The following IKZF3 variants were observed in gnomAD, a reference collection of about 807,000 sequenced individuals.
The protein encoded by IKZF3 is IKAROS family zinc finger 3.
In IKZF3, 10 loss-of-function variants were observed where a neutral mutation model predicts 49.0. The observed-to-expected ratio is 0.20, with a 90% CI of 0.13 to 0.35. The LOEUF (loss-of-function observed/expected upper bound fraction) is 0.35. Ranked by LOEUF, IKZF3 falls within the 10% of genes least tolerant of loss-of-function variation. IKZF3 has a pLI of 1.00. For synonymous variants in IKZF3, 209 were observed against 228.2 expected, an observed-to-expected ratio of 0.92 and a Z score of 0.76; for missense variants, 498 against 664.8, an observed-to-expected ratio of 0.75 and a Z score of 2.76.
Position 39,759,972 on chromosome 17 carries a change from CTT to C in IKZF3, c.*5816_*5817del, listed in dbSNP as rs1451257785. On this transcript the variant is annotated 3_prime_UTR_variant, in exon 8 of 8. Transcript: ENST00000346872. ...GAGCTCACAAGTCCCGATGCTGACT[CTT>C]TGAGTCCTCAGATAGCCAGGCTCTT... 3.3e-5 allele frequency: 5 copies of C among 152,242 alleles called. No homozygotes were observed. The East Asian group carries it at 9.7e-4, about 29-fold the overall frequency. The allele number at this position is 152,242 out of a possible 1,614,324, so 9.4% of individuals were successfully genotyped here.
intron 3 of IKZF3, among the ~76,000 whole-genome samples, chr17:39,793,882 CAAAG>C (rs2061095295): frequency 6.6e-6 from 1 of 152,144 alleles, no homozygotes; most frequent in Admixed American, 6.5e-5. Context: ...ACATAAGAAA[CAAAG>C]AAGGCAAATT....
chr17:39,803,514 C>CT (rs72220610), intron 3 of IKZF3, among the ~76,000 whole-genome samples: 3,455 of 141,358 alleles, frequency 0.024, 111 homozygotes, highest in African/African-American at 0.07. Context: ...TTCACTCTAT[C>CT]TTTTTTTTTT....
At chr17:39,850,444 T>G (rs1025290634) in intron 1 of IKZF3, among the ~76,000 whole-genome samples, 34 of 129,522 alleles carry the variant, frequency 2.6e-4, no homozygotes, top group Non-Finnish European at 5.1e-4. Context: ...TAATATATAG[T>G]ATAAATATAT....
chr17:39,808,387 A>G (rs913664645), intron 3 of IKZF3, among the ~76,000 whole-genome samples: 2 of 152,214 alleles, frequency 1.3e-5, no homozygotes, highest in African/African-American at 4.8e-5. Flanking sequence ...GACATTTCCC[A>G]TACTTAGTTA....
intron 4 of IKZF3, among the ~76,000 whole-genome samples, chr17:39,792,174 A>G (rs1188646358): frequency 6.6e-6 from 1 of 152,178 alleles, no homozygotes; most frequent in East Asian, 1.9e-4. Context: ...CATATGAGAT[A>G]TGGGATGGAA....
chr17:39,796,999 C>T (rs2061182207), intron 3 of IKZF3, among the ~76,000 whole-genome samples: 1 of 151,232 alleles, frequency 6.6e-6, no homozygotes, highest in South Asian at 2.1e-4. Flanking sequence ...CCCATCTCTA[C>T]TAAAAATACA....
At position 39,864,130 on chromosome 17, in the gene IKZF3, G is replaced by A; in HGVS notation, c.-4C>T. 6.2e-7 allele frequency: 1 copy of A among 1,612,300 alleles called. No homozygotes were observed. On this transcript the variant is annotated 5_prime_UTR_variant, in exon 1 of 8. Coordinates refer to ENST00000346872, the MANE Select transcript of IKZF3 (RefSeq NM_012481.5). Reference sequence around the variant, plus strand: ...GGGCTGGAGGCTCACCTTCCATGTCGCTGCCGGGCCGGGCTGGAGCTGCCG... The same window carrying A: ...GGGCTGGAGGCTCACCTTCCATGTCACTGCCGGGCCGGGCTGGAGCTGCCG...
chr17:39,797,808 C>T (rs1471913506), intron 3 of IKZF3, among the ~76,000 whole-genome samples: 1 of 152,092 alleles, frequency 6.6e-6, no homozygotes, highest in Non-Finnish European at 1.5e-5. Context: ...CTTCCCTCTG[C>T]ATCCTAAATA....
At chr17:39,863,248 A>G (rs1000469806) in intron 1 of IKZF3, among the ~76,000 whole-genome samples, 1 of 152,192 alleles carries the variant, frequency 6.6e-6, no homozygotes, top group African/African-American at 2.4e-5. Flanking sequence ...AACTTTATAT[A>G]CTCTAGAAAT....
intron 7 of IKZF3, among the ~76,000 whole-genome samples, chr17:39,775,033 C>G (rs1254293486): frequency 1.3e-5 from 2 of 152,092 alleles, no homozygotes; most frequent in African/African-American, 4.8e-5. Context: ...ACTTCCTGGT[C>G]ACTTCATCAC....
In IKZF3 at chr17:39,796,304, G is replaced by T. The variant is rs546557160; in HGVS notation, c.164-3371C>A. 2.7e-4 allele frequency among the ~76,000 whole-genome samples: 41 copies of T among 152,148 alleles called. No homozygotes were observed. In the South Asian group the frequency reaches 7.3e-3, roughly 27 times the overall value. On this transcript the variant is annotated intron_variant, in intron 3 of 7. Transcript: ENST00000346872. ...ACTTGTCATCTTTGAACCCAAACTT[G>T]CTTCTAATTTATGACTTATTTATGT... is the stretch of plus-strand genomic sequence containing the variant.
chr17:39,782,004 C>T (rs939849401), intron 6 of IKZF3, among the ~76,000 whole-genome samples: 5 of 152,104 alleles, frequency 3.3e-5, no homozygotes, highest in Non-Finnish European at 5.9e-5. Flanking sequence ...TCCTGTTCAC[C>T]CACACCCTCT....
chr17:39,846,365 T>C (rs2062630990), intron 1 of IKZF3, among the ~76,000 whole-genome samples: 2 of 152,178 alleles, frequency 1.3e-5, no homozygotes, highest in Admixed American at 6.5e-5. Context: ...AAAACAAGAC[T>C]TCATCACATG....
chr17:39,789,257 C>T (rs1003362292), intron 5 of IKZF3, among the ~76,000 whole-genome samples: 1 of 152,158 alleles, frequency 6.6e-6, no homozygotes, highest in Non-Finnish European at 1.5e-5. Flanking sequence ...TGGCAAAACC[C>T]CATCTCTACT....
At chr17:39,769,597 A>G (rs1435797634) in intron 7 of IKZF3, among the ~76,000 whole-genome samples, 1 of 152,226 alleles carries the variant, frequency 6.6e-6, no homozygotes, top group East Asian at 1.9e-4. Flanking sequence ...CTAAGGTCAC[A>G]GACATTCATT....
chr17:39,861,949 T>C (rs915777459), intron 1 of IKZF3, among the ~76,000 whole-genome samples: 1 of 152,140 alleles, frequency 6.6e-6, no homozygotes, highest in Non-Finnish European at 1.5e-5. Context: ...AAAATAAAAA[T>C]GTTTTACATT....
intron 3 of IKZF3, among the ~76,000 whole-genome samples, chr17:39,809,250 T>C (rs1186643801): frequency 2.0e-5 from 3 of 152,236 alleles, no homozygotes; most frequent in African/African-American, 7.2e-5. Context: ...TATCACCCAG[T>C]GCAGAATGTA....
chr17:39,769,163 T>C (rs1479025771), intron 7 of IKZF3, among the ~76,000 whole-genome samples: 2 of 152,254 alleles, frequency 1.3e-5, no homozygotes, highest in African/African-American at 4.8e-5. Flanking sequence ...AGATAATGCA[T>C]GGTAGGACCG....
intron 6 of IKZF3, among the ~76,000 whole-genome samples, chr17:39,779,331 G>A (rs575083147): frequency 2.0e-5 from 3 of 152,166 alleles, no homozygotes; most frequent in South Asian, 4.2e-4. Flanking sequence ...GTGTGGTGGC[G>A]AATGCCTGTA....
Sources: gnomAD v4.1 joint callset for allele counts (sites outside exome capture counted in the v4.1 genomes callset) on GRCh38, gnomAD v4.1.1 for gene constraint, MANE v1.5 for transcripts, NCBI Gene and HGNC (gene_info 2026-07-23, HGNC 2026-07-21) for gene names.